The following UACA variants were observed in gnomAD, a reference collection of about 807,000 sequenced individuals.
UACA encodes nuclear membrane binding protein.
UACA carries 112 observed loss-of-function variants against 160.5 expected under a neutral mutation model. The observed-to-expected ratio is 0.70, with a 90% confidence interval of 0.60 to 0.82. The LOEUF is 0.82. UACA is among the 40% of genes least tolerant of loss of function. The pLI is 0.00. For synonymous variants in UACA, 557 were observed against 568.4 expected, an observed-to-expected ratio of 0.98 and a Z score of 0.29; for missense variants, 1,574 against 1,614.6, an observed-to-expected ratio of 0.97 and a Z score of 0.43.
At chr15:70,735,510 T>TA (rs879557212) in intron 1 of UACA, among the ~76,000 whole-genome samples, 71 of 151,770 alleles carry the variant, frequency 4.7e-4, no homozygotes, top group Non-Finnish European at 8.4e-4. Context: ...TTCTCTCAAT[T>TA]AAAAAAAATA....
At chr15:70,669,540 G>A (rs1897065643) in intron 15 of UACA, 78 bp from the exon 16 acceptor site, 1 of 1,161,472 alleles carries the variant, frequency 8.6e-7, no homozygotes, top group African/African-American at 1.6e-5. Flanking sequence ...CAAACTTAGA[G>A]AAAGTTAGCA....
rs965485472 is a variant in UACA, at chr15:70,687,949, A to G, written c.425-129T>C. The G allele has an allele frequency of 1.5e-5, 12 of 799,956 alleles. No individual in the cohort carries two copies. In the African/African-American group the frequency reaches 1.7e-4, roughly 12 times the overall value. 49.6% of individuals were successfully genotyped at this position (799,956 alleles called of 1,614,324 possible). A position where few individuals can be genotyped will look rare whatever the true frequency, so the allele number is the denominator to read the frequency against. ...ACCAAGCTTCACGTCCTTCACTCTTAGTTTAGCATTATAAGCACAATTTTT... is the reference window on the plus strand; with the variant it reads ...ACCAAGCTTCACGTCCTTCACTCTTGGTTTAGCATTATAAGCACAATTTTT... On this transcript the variant is annotated intron_variant, in intron 5 of 18. Coordinates refer to ENST00000322954, the MANE Select transcript of UACA (RefSeq NM_018003.4).
intron 3 of UACA, among the ~76,000 whole-genome samples, chr15:70,694,364 A>T (rs369151370): frequency 1.1e-4 from 17 of 152,196 alleles, no homozygotes; most frequent in Non-Finnish European, 2.4e-4. Flanking sequence ...TGTAAGCAGA[A>T]AACTGAGTTA....
upstream of UACA, among the ~76,000 whole-genome samples, chr15:70,767,686 G>T (rs1347246334): frequency 6.6e-6 from 1 of 152,054 alleles, no homozygotes; most frequent in Non-Finnish European, 1.5e-5. Flanking sequence ...CTTTAGTTAT[G>T]AATTCTATAT....
upstream of UACA, chr15:70,763,662 C>T: frequency 1.9e-6 from 1 of 524,338 alleles, no homozygotes; most frequent in Non-Finnish European, 2.9e-6. Flanking sequence ...GCGGGACTTC[C>T]CTTTTAAACT....
At chr15:70,752,714 C>T (rs2030164571) in intron 1 of UACA, among the ~76,000 whole-genome samples, 1 of 151,920 alleles carries the variant, frequency 6.6e-6, no homozygotes, top group Admixed American at 6.6e-5. Context: ...AAAACCTTGA[C>T]AATATATAAA....
intron 1 of UACA, chr15:70,701,864 C>T: frequency 6.2e-7 from 1 of 1,609,806 alleles, no homozygotes; most frequent in South Asian, 1.1e-5. Context: ...CACTAGACTA[C>T]TGGGATACCT....
chr15:70,718,709 A>C (rs1898900465), intron 1 of UACA, among the ~76,000 whole-genome samples: 1 of 152,144 alleles, frequency 6.6e-6, no homozygotes, highest in South Asian at 2.1e-4. Flanking sequence ...GGAGGTAATT[A>C]CTATAACATG....
At chr15:70,727,098 G>T (rs1899167435) in intron 1 of UACA, among the ~76,000 whole-genome samples, 1 of 152,152 alleles carries the variant, frequency 6.6e-6, no homozygotes, top group African/African-American at 2.4e-5. Context: ...AAGAAGGTTA[G>T]AAAAATATGC....
intron 1 of UACA, among the ~76,000 whole-genome samples, chr15:70,756,302 G>T (rs920166116): frequency 6.6e-6 from 1 of 151,798 alleles, no homozygotes; most frequent in Admixed American, 6.6e-5. Flanking sequence ...TAGTAGCTGA[G>T]ACTACAAATG....
upstream of UACA, among the ~76,000 whole-genome samples, chr15:70,764,571 CTT>C (rs904514423): frequency 2.6e-5 from 4 of 152,258 alleles, no homozygotes; most frequent in Admixed American, 2.0e-4. Context: ...ACAAAGGACT[CTT>C]TTTTGTCTGA....
chr15:70,668,984 A>G lies in UACA; in HGVS notation c.1700T>C (p.Ile567Thr), dbSNP rs1897039950. Residue 567 changes from isoleucine to threonine, a missense_variant, in exon 16 of 19, where the codon ATC (isoleucine) becomes ACC (threonine). By Grantham distance (89) the Ile-to-Thr change is moderately conservative. Transcript: ENST00000322954. ...SAEVGKLRNQIKQNEMIVEEF... is the reference protein window; with the variant it reads ...SAEVGKLRNQTKQNEMIVEEF... Reference sequence around the variant, plus strand: ...TTCTACTATCATCTCATTTTGTTTGATTTGGTTTCTTAATTTCCCCACTTC... The same window carrying G: ...TTCTACTATCATCTCATTTTGTTTGGTTTGGTTTCTTAATTTCCCCACTTC... The G allele has an allele frequency of 6.2e-7, 1 of 1,613,260 alleles. No homozygotes were observed. The highest frequency in any genetic ancestry group is 8.5e-7 in the Non-Finnish European group (1 of 1,179,926).
chr15:70,672,078 A>T, intron 13 of UACA, 77 bp from the exon 14 acceptor site: 1 of 1,309,898 alleles, frequency 7.6e-7, no homozygotes, highest in Non-Finnish European at 1.1e-6. Context: ...TTTAGCTCTA[A>T]ATCATGCAGT....
At chr15:70,696,617 T>C (rs901130467) in intron 2 of UACA, among the ~76,000 whole-genome samples, 2 of 152,188 alleles carry the variant, frequency 1.3e-5, no homozygotes, top group South Asian at 2.1e-4. Flanking sequence ...AGGAATATAG[T>C]ATTCTTAAGA....
intron 15 of UACA, among the ~76,000 whole-genome samples, chr15:70,670,717 T>C (rs959858434): frequency 2.0e-5 from 3 of 152,078 alleles, no homozygotes; most frequent in African/African-American, 7.2e-5. Flanking sequence ...ATTATTCATA[T>C]CTGTCTTCCC....
intron 1 of UACA, among the ~76,000 whole-genome samples, chr15:70,744,676 CA>C (rs985137134): frequency 2.6e-5 from 4 of 151,918 alleles, no homozygotes; most frequent in African/African-American, 9.7e-5. Context: ...GTGTTAAGAC[CA>C]AAAAACAGTC....
intron 18 of UACA, 111 bp downstream of exon 18, chr15:70,660,040 T>A (rs762978667): frequency 1.3e-6 from 1 of 798,954 alleles, no homozygotes; most frequent in Non-Finnish European, 2.0e-6. Flanking sequence ...TAAATAAGCA[T>A]AGGGGGTGCA....
chr15:70,671,893 C>G, intron 14 of UACA, 72 bp downstream of exon 14: 2 of 1,329,870 alleles, frequency 1.5e-6, no homozygotes, highest in East Asian at 4.8e-5. Flanking sequence ...TATAGTTAAA[C>G]AAGTAAGAAT....
chr15:70,704,471 G>A (rs1424626812), intron 1 of UACA, among the ~76,000 whole-genome samples: 1 of 152,106 alleles, frequency 6.6e-6, no homozygotes, highest in Admixed American at 6.5e-5. Flanking sequence ...TTCTTTACCA[G>A]CCTACAAATC....
Sources: allele counts gnomAD v4.1 joint callset (sites outside exome capture counted in the v4.1 genomes callset), GRCh38; gene constraint gnomAD v4.1.1; transcripts MANE v1.5; gene names NCBI Gene and HGNC (gene_info 2026-07-23, HGNC 2026-07-21).